Variants in GTF3C2 observed in about 807,000 individuals in gnomAD.
GTF3C2 encodes the protein general transcription factor IIIC subunit 2.
In GTF3C2, 17 loss-of-function variants were observed where a neutral mutation model predicts 117.4. That is an observed-to-expected ratio of 0.14 (90% CI 0.10 to 0.22). GTF3C2 has a LOEUF of 0.22. GTF3C2 is among the 10% of genes least tolerant of loss of function. GTF3C2 has a pLI of 1.00. For synonymous variants in GTF3C2, 437 were observed against 427.0 expected (o/e 1.02, Z -0.29); for missense variants, 888 against 1,143.6 (o/e 0.78, Z 3.22).
In GTF3C2 at chr2:27,337,348, G is replaced by A. The variant is rs778816027; in HGVS notation, c.1029-6C>T. The A allele has an allele frequency of 6.3e-7, 1 of 1,584,230 alleles. No homozygotes were observed. The highest frequency in any genetic ancestry group is 2.2e-5 in the East Asian group (1 of 44,746). Reference sequence around the variant, plus strand: ...GCAGGTAGGGAGCGGCCTCACTGGGGGAAGACAAAGGGAACAGTCTAAATT... The same window carrying A: ...GCAGGTAGGGAGCGGCCTCACTGGGAGAAGACAAAGGGAACAGTCTAAATT... On this transcript the variant is annotated splice_polypyrimidine_tract_variant and splice_region_variant and intron_variant, in intron 6 of 18. Coordinates refer to ENST00000264720, the Ensembl canonical transcript of GTF3C2.
chr2:27,335,737 T>C (rs1212617313), intron 9 of GTF3C2, 31 bp from the exon 10 acceptor site: 1 of 1,393,300 alleles, frequency 7.2e-7, no homozygotes, highest in Non-Finnish European at 1.0e-6. Context: ...TGAGGCTTGC[T>C]GCCTTCAGCT....
At chr2:27,342,069 T>A in exon 4 of GTF3C2, 1 of 1,614,098 alleles carries the variant, frequency 6.2e-7, no homozygotes, top group Middle Eastern at 1.7e-4. Context: ...AAAGTCTTCA[T>A]CCCGTGGAGC....
At chr2:27,349,563 C>A (rs1263804891) in intron 1 of GTF3C2, among the ~76,000 whole-genome samples, 1 of 151,476 alleles carries the variant, frequency 6.6e-6, no homozygotes, top group African/African-American at 2.4e-5. Flanking sequence ...AAAATCTAAG[C>A]AAAAACAAAG....
chr2:27,333,830 T>A, intron 11 of GTF3C2, 46 bp from the exon 12 acceptor site: 1 of 1,585,556 alleles, frequency 6.3e-7, no homozygotes, highest in Non-Finnish European at 8.6e-7. Flanking sequence ...ACACCTACAC[T>A]GTTTGGAACG....
intron 4 of GTF3C2, chr2:27,341,512 A>G: frequency 6.0e-6 from 1 of 167,376 alleles, no homozygotes; most frequent in Non-Finnish European, 1.3e-5. Context: ...TCCAGCCATA[A>G]TCAATTTATG....
rs1293464376 is a variant in GTF3C2, at chr2:27,327,359, G to A, written c.2410-75C>T. The A allele has an allele frequency of 4.0e-6, 3 of 747,044 alleles. No homozygotes were observed. In the East Asian group the frequency reaches 8.1e-5, roughly 20 times the overall value. 46.3% of individuals were successfully genotyped at this position (747,044 alleles called of 1,614,324 possible). On this transcript the variant is annotated intron_variant, in intron 17 of 18. Coordinates refer to ENST00000264720, the Ensembl canonical transcript of GTF3C2. ...TTTTTTTAAGACGGAGTCTCGCTCT[G>A]TCACCCAGGCTGGAGTGCAGTGGCG...
chr2:27,343,122 G>T (rs374628056), exon 3 of GTF3C2: 2 of 1,589,644 alleles, frequency 1.3e-6, no homozygotes, highest in Admixed American at 3.6e-5. Context: ...TAGGCTTTGA[G>T]ACCTTTGACA....
At chr2:27,341,661 G>C in intron 4 of GTF3C2, 1 of 397,632 alleles carries the variant, frequency 2.5e-6, no homozygotes, top group Non-Finnish European at 4.6e-6. Flanking sequence ...GGGTAGTGCT[G>C]ATTGCACTGT....
intron 1 of GTF3C2, among the ~76,000 whole-genome samples, chr2:27,350,141 C>T (rs1681078337): frequency 6.6e-6 from 1 of 151,936 alleles, no homozygotes; most frequent in African/African-American, 2.4e-5. Flanking sequence ...CCCATATTGG[C>T]TCAGTTGCAT....
chr2:27,356,206 T>C, intron 1 of GTF3C2: 3 of 741,110 alleles, frequency 4.0e-6, no homozygotes, highest in Non-Finnish European at 6.2e-6. Context: ...GAAACACAAC[T>C]GGCCCTTGGT....
exon 16 of GTF3C2, chr2:27,328,550 A>G (rs1005744762): frequency 1.2e-6 from 2 of 1,609,604 alleles, no homozygotes; most frequent in Non-Finnish European, 1.7e-6. Context: ...CTCCCCGGAT[A>G]TATCTCCTGC....
At chr2:27,344,585 A>C (rs1267193520) in intron 1 of GTF3C2, among the ~76,000 whole-genome samples, 6 of 152,208 alleles carry the variant, frequency 3.9e-5, no homozygotes, top group Non-Finnish European at 8.8e-5. Flanking sequence ...AATATACTAC[A>C]AAAAAGAGCT....
chr2:27,355,617 C>T lies in GTF3C2; in HGVS notation c.-25+1122G>A, dbSNP rs1681341395. Among the ~76,000 whole-genome samples the T allele has an allele frequency of 2.6e-5, 4 of 152,166 alleles. No homozygotes were observed. In the South Asian group the frequency reaches 6.2e-4, roughly 24 times the overall value. On this transcript the variant is annotated intron_variant, in intron 1 of 18. Transcript: ENST00000264720. ...TAAAGGAATAGATGATCAGTAAATT[C>T]GTACTGAGTTTCTAAAACCTTCCAT...
intron 3 of GTF3C2, chr2:27,342,614 A>C: frequency 1.7e-6 from 1 of 581,478 alleles, no homozygotes; most frequent in Non-Finnish European, 3.1e-6. Context: ...ATAGGACATA[A>C]AGTACAGACA....
At chr2:27,337,717 G>C (rs562878009) in intron 5 of GTF3C2, 159 bp from the exon 6 acceptor site, 12 of 693,158 alleles carry the variant, frequency 1.7e-5, no homozygotes, top group African/African-American at 1.6e-4. Flanking sequence ...TGTGGCTAGC[G>C]CAGCTGAGAA....
exon 19 of GTF3C2, chr2:27,326,025 C>A: frequency 3.8e-6 from 1 of 265,788 alleles, no homozygotes; most frequent in Non-Finnish European, 7.8e-6. Context: ...TTTTAAAAAA[C>A]ATGACTGTTC....
At chr2:27,337,604 C>T in intron 5 of GTF3C2, 46 bp from the exon 6 acceptor site, 1 of 1,249,188 alleles carries the variant, frequency 8.0e-7, no homozygotes, top group Non-Finnish European at 1.2e-6. Context: ...GATTCTACAG[C>T]CGCACAGTCC....
intron 1 of GTF3C2, among the ~76,000 whole-genome samples, chr2:27,354,902 C>A (rs1035382423): frequency 1.3e-5 from 2 of 152,132 alleles, no homozygotes; most frequent in Non-Finnish European, 2.9e-5. Flanking sequence ...AAAAATACTG[C>A]AATAAATATT....
intron 4 of GTF3C2, chr2:27,340,226 AAAT>A (rs1680673375): frequency 6.6e-6 from 1 of 152,056 alleles, no homozygotes; most frequent in Non-Finnish European, 1.5e-5. Flanking sequence ...ACAAAAATAA[AAAT>A]AAAAAATTAC....
Sources: allele counts gnomAD v4.1 joint callset (sites outside exome capture counted in the v4.1 genomes callset), GRCh38; gene constraint gnomAD v4.1.1; transcripts MANE v1.5; gene names NCBI Gene and HGNC (gene_info 2026-07-23, HGNC 2026-07-21).